The following INSR variants were observed in gnomAD, a reference collection of about 807,000 sequenced individuals.
The protein encoded by INSR is IR.
In INSR, 67 loss-of-function variants were observed where a neutral mutation model predicts 142.6. The ratio of observed to expected loss-of-function variants is 0.47; its 90% CI spans 0.39 to 0.58. The LOEUF (loss-of-function observed/expected upper bound fraction) is 0.58. Ranked by LOEUF, INSR falls within the 20% of genes least tolerant of loss-of-function variation. The probability of loss-of-function intolerance (pLI) is 0.00; values close to 1 mark genes in which losing one functional copy is unlikely to be tolerated. For synonymous variants in INSR, 756 were observed against 743.1 expected (o/e 1.02, Z -0.28); for missense variants, 1,248 against 1,833.2 (o/e 0.68, Z 5.83).
chr19:7,176,528 G>A (rs1006354177), intron 3 of INSR, among the ~76,000 whole-genome samples: 3 of 152,200 alleles, frequency 2.0e-5, no homozygotes, highest in Non-Finnish European at 1.5e-5. Flanking sequence ...TTGAACTCAG[G>A]AGGTGGAGGC....
chr19:7,207,562 G>A (rs60772715), intron 2 of INSR, among the ~76,000 whole-genome samples: 9,567 of 149,942 alleles, frequency 0.064, 990 homozygotes, highest in African/African-American at 0.22. Context: ...AAAATATCAC[G>A]AGAATAAAGC....
intron 9 of INSR, among the ~76,000 whole-genome samples, chr19:7,156,570 C>T (rs890024147): frequency 2.6e-5 from 4 of 151,874 alleles, no homozygotes; most frequent in African/African-American, 9.7e-5. Context: ...CTGAAGTGCT[C>T]GGGACAGTCC....
intron 2 of INSR, among the ~76,000 whole-genome samples, chr19:7,233,108 C>T (rs868780831): frequency 9.2e-5 from 14 of 152,148 alleles, no homozygotes; most frequent in Middle Eastern, 3.4e-3. Context: ...ATTCTCCTGC[C>T]TCAGCCTCCT....
rs1373326525 is a variant in INSR at position 7,168,212 on chromosome 19, C to T, written c.1484-118G>A. 9.0e-6 allele frequency: 9 copies of T among 1,003,798 alleles called. No individual in the cohort carries two copies. In the African/African-American group the frequency reaches 9.6e-5, roughly 11 times the overall value. The allele number at this position is 1,003,798 out of a possible 1,614,324, so 62.2% of individuals were successfully genotyped here. A position where few individuals can be genotyped will look rare whatever the true frequency, so the allele number is the denominator to read the frequency against. ...AGAAGGCAGAGGTGACGCTGCTATT[C>T]CCTTAAGGGTCTCCTCCCCATGTGC... On this transcript the variant is annotated intron_variant, in intron 6 of 21. Coordinates refer to ENST00000302850, the MANE Select transcript of INSR (RefSeq NM_000208.4). This position sits in a 1 kb window ranked among gnomAD's most constrained non-coding sequence, Gnocchi z 4.3.
At chr19:7,246,678 C>G (rs1207622823) in intron 2 of INSR, among the ~76,000 whole-genome samples, 1 of 152,152 alleles carries the variant, frequency 6.6e-6, no homozygotes, top group African/African-American at 2.4e-5. Context: ...GTGGATACAA[C>G]AAGTTCCCAG....
At chr19:7,117,607 TTTC>T (rs1418460998) in intron 21 of INSR, among the ~76,000 whole-genome samples, 197 bp from the exon 22 acceptor site, 6 of 152,054 alleles carry the variant, frequency 3.9e-5, no homozygotes, top group African/African-American at 1.4e-4. Context: ...TCTTTTTGCT[TTTC>T]TTCTTCTTAT....
intron 2 of INSR, among the ~76,000 whole-genome samples, chr19:7,190,480 C>A (rs1470129875): frequency 6.7e-6 from 1 of 149,462 alleles, no homozygotes; most frequent in Non-Finnish European, 1.5e-5. Flanking sequence ...TCAAGCAATT[C>A]TCTGCCTCAG....
At chr19:7,229,303 TGGA>T (rs1975889634) in intron 2 of INSR, among the ~76,000 whole-genome samples, 1 of 50,368 alleles carries the variant, frequency 2.0e-5, no homozygotes, top group Non-Finnish European at 5.2e-5. Flanking sequence ...GGAGGGATGA[TGGA>T]TGGATGGATG....
chr19:7,249,774 C>CCT (rs1203886124), intron 2 of INSR, among the ~76,000 whole-genome samples: 3 of 152,058 alleles, frequency 2.0e-5, no homozygotes, highest in Middle Eastern at 3.4e-3. Flanking sequence ...GGGTGGATCA[C>CCT]GAGGTCAGGA....
chr19:7,148,943 T>C (rs912673990), intron 11 of INSR, among the ~76,000 whole-genome samples: 3 of 150,254 alleles, frequency 2.0e-5, no homozygotes, highest in Non-Finnish European at 4.4e-5. Context: ...TACAGGCGTG[T>C]GTCACCACGC....
At position 7,294,191 on chromosome 19, in the gene INSR, G is replaced by A. The variant is rs1447661038; in HGVS notation, c.-300C>T. The stretch of plus-strand genomic sequence containing the variant: ...CTCGGGGCCCGGAGCTCCGCGCTGC[G>A]CCCGGGACTGTCTCTCGGCTCTCGG... On this transcript the variant is annotated 5_prime_UTR_variant, in exon 1 of 22. Transcript: ENST00000302850. Among the ~76,000 whole-genome samples the A allele has an allele frequency of 6.6e-6, 1 of 151,590 alleles. No homozygotes were observed. The highest frequency in any genetic ancestry group is 2.4e-5 in the African/African-American group (1 of 41,334).
chr19:7,191,792 GCACT>G, intron 2 of INSR, among the ~76,000 whole-genome samples: 1 of 151,808 alleles, frequency 6.6e-6, no homozygotes, highest in East Asian at 1.9e-4. Context: ...CTGCACCACT[GCACT>G]CCAGCCTGGG....
At chr19:7,217,622 C>T (rs1018929278) in intron 2 of INSR, among the ~76,000 whole-genome samples, 2 of 152,170 alleles carry the variant, frequency 1.3e-5, no homozygotes, top group African/African-American at 2.4e-5. Flanking sequence ...GCAGTGGGCA[C>T]GATCTTGGCT....
rs71177157 is a variant in INSR, at chr19:7,116,700, CAAAAAAA to C, written c.*349_*355del. On this transcript the variant is annotated 3_prime_UTR_variant, in exon 22 of 22. Coordinates refer to ENST00000302850, the MANE Select transcript of INSR (RefSeq NM_000208.4). The stretch of plus-strand genomic sequence containing the variant: ...TTTTATACTGAAGCTCAGACACCAG[CAAAAAAA>C]AAAAAAAAAAAAAAGAATTTGTAAA... 23 of 50,530 alleles carry C rather than the reference CAAAAAAA, an allele frequency of 4.6e-4. 1 individual carries two copies. The South Asian group carries it at 0.014, about 31-fold the overall frequency. The allele number at this position is 50,530 out of a possible 1,614,324, so 3.1% of individuals were successfully genotyped here. A position where few individuals can be genotyped will look rare whatever the true frequency, so the allele number is the denominator to read the frequency against.
rs369039948 is a variant in INSR, at chr19:7,166,717, C to T, written c.1611-313G>A. ...GGCGGATCACCAGAAGTCAGGAGTTCGAGACCAGCCTGGCCAACATGGTGA... is the reference window on the plus strand; with the variant it reads ...GGCGGATCACCAGAAGTCAGGAGTTTGAGACCAGCCTGGCCAACATGGTGA... On this transcript the variant is annotated intron_variant, in intron 7 of 21. Transcript: ENST00000302850. This position sits in a 1 kb window ranked among gnomAD's most constrained non-coding sequence, Gnocchi z 4.1. Among the ~76,000 whole-genome samples the T allele has an allele frequency of 3.3e-5, 5 of 151,826 alleles. No homozygotes were observed. Among genetic ancestry groups the T allele is most frequent in the African/African-American group, 1.2e-4 (5 of 41,304 alleles).
intron 2 of INSR, among the ~76,000 whole-genome samples, chr19:7,252,540 C>G (rs1157183714): frequency 6.6e-6 from 1 of 152,162 alleles, no homozygotes; most frequent in Admixed American, 6.5e-5. Context: ...GGGACAAGAG[C>G]CTTGTTCACC....
intron 13 of INSR, among the ~76,000 whole-genome samples, chr19:7,136,828 CATATAT>C (rs57665258): frequency 0.014 from 1,995 of 139,488 alleles, 123 homozygotes; most frequent in African/African-American, 0.053. Context: ...TATTTATTTA[CATATAT>C]ATATATATAT....
chr19:7,265,365 T>A (rs971152603), intron 2 of INSR, among the ~76,000 whole-genome samples: 5 of 152,014 alleles, frequency 3.3e-5, no homozygotes, highest in Non-Finnish European at 7.4e-5. Context: ...AGTTAGCTAT[T>A]TGGGAGAGAA....
intron 3 of INSR, among the ~76,000 whole-genome samples, chr19:7,181,331 T>C (rs1974269914): frequency 6.6e-6 from 1 of 152,130 alleles, no homozygotes; most frequent in African/African-American, 2.4e-5. Context: ...CCAGACATGA[T>C]GGTGAAATAG....
Sources: allele counts gnomAD v4.1 joint callset (sites outside exome capture counted in the v4.1 genomes callset), GRCh38; gene constraint gnomAD v4.1.1; non-coding constraint Gnocchi (gnomAD v3.1); transcripts MANE v1.5; gene names NCBI Gene and HGNC (gene_info 2026-07-23, HGNC 2026-07-21).